THADA: variants seen among roughly 807,000 people sequenced by gnomAD.
The protein encoded by THADA is tRNA (32-2'-O)-methyltransferase regulator THADA.
Under a neutral mutation model 219.8 loss-of-function variants are expected in THADA, and 213 were observed. The ratio of observed to expected loss-of-function variants is 0.97; its 90% CI spans 0.87 to 1.09. The LOEUF is 1.09. Among genes scored for constraint, THADA ranks in the 50% least tolerant of loss-of-function variants. THADA has a pLI of 0.00. For missense variants in THADA, 2,956 were observed against 2,311.3 expected, an observed-to-expected ratio of 1.28 and a Z score of -5.72; for synonymous variants, 1,018 against 828.9, an observed-to-expected ratio of 1.23 and a Z score of -3.92.
rs1691444204 is a variant in THADA, at chr2:43,515,235, AATATATAATATATT to A, written c.3375-6469_3375-6456del. Among the ~76,000 whole-genome samples the A allele has an allele frequency of 3.1e-4, 6 of 19,150 alleles. 1 individual carries two copies. The highest frequency in any genetic ancestry group is 7.5e-4 in the African/African-American group (3 of 3,978). 12.6% of individuals were successfully genotyped at this position (19,150 alleles called of 152,430 possible). A position where few individuals can be genotyped will look rare whatever the true frequency, so the allele number is the denominator to read the frequency against. On this transcript the variant is annotated intron_variant, in intron 22 of 37. Coordinates refer to ENST00000405975, the MANE Select transcript of THADA (RefSeq NM_022065.5). ...ATATAATATATTATATATAATATAT[AATATATAATATATT>A]ATATATAATATATAATATATAATAT...
intron 26 of THADA, among the ~76,000 whole-genome samples, chr2:43,448,850 C>T (rs940658012): frequency 2.0e-5 from 3 of 151,964 alleles, no homozygotes; most frequent in African/African-American, 7.3e-5. Context: ...ACCTGATTTC[C>T]AGAGTTACTA....
At chr2:43,493,120 G>A (rs1292186684) in intron 25 of THADA, among the ~76,000 whole-genome samples, 1 of 152,122 alleles carries the variant, frequency 6.6e-6, no homozygotes, top group Non-Finnish European at 1.5e-5. Context: ...AGATCTAACA[G>A]GATCTTTTTC....
intron 3 of THADA, among the ~76,000 whole-genome samples, chr2:43,591,724 C>T (rs1469393765): frequency 6.6e-6 from 1 of 152,094 alleles, no homozygotes; most frequent in Non-Finnish European, 1.5e-5. Context: ...ACATTATCTT[C>T]TACCTTATCT....
intron 36 of THADA, among the ~76,000 whole-genome samples, chr2:43,240,239 C>T (rs765054269): frequency 2.6e-5 from 4 of 152,154 alleles, no homozygotes; most frequent in East Asian, 1.9e-4. Context: ...GGACTGGAGG[C>T]GAGGCCAGGC....
At chr2:43,315,995 C>T (rs1678034472) in intron 31 of THADA, among the ~76,000 whole-genome samples, 1 of 152,216 alleles carries the variant, frequency 6.6e-6, no homozygotes, top group African/African-American at 2.4e-5. Context: ...GCCTCCTCAG[C>T]CTCACCAGTC....
intron 17 of THADA, among the ~76,000 whole-genome samples, chr2:43,554,412 A>G (rs185372441): frequency 2.6e-4 from 39 of 152,314 alleles, no homozygotes; most frequent in African/African-American, 9.1e-4. Flanking sequence ...AGATTTGGTA[A>G]AAACAGTAAA....
At chr2:43,411,970 A>T (rs1676363721) in intron 28 of THADA, among the ~76,000 whole-genome samples, 1 of 152,196 alleles carries the variant, frequency 6.6e-6, no homozygotes, top group Non-Finnish European at 1.5e-5. Flanking sequence ...TACTGGTCAC[A>T]TCTTTCAAAG....
At chr2:43,335,048 A>G (rs950389667) in intron 30 of THADA, among the ~76,000 whole-genome samples, 33 of 152,300 alleles carry the variant, frequency 2.2e-4, no homozygotes, top group South Asian at 4.1e-4. Flanking sequence ...TTGGAAGATC[A>G]CAGAGCCTGG....
intron 26 of THADA, among the ~76,000 whole-genome samples, chr2:43,443,556 A>G (rs981945352): frequency 1.3e-5 from 2 of 152,204 alleles, no homozygotes; most frequent in Non-Finnish European, 2.9e-5. Context: ...ACGTTTATCT[A>G]TGTGATCAAA....
At chr2:43,323,354 A>G (rs936023646) in intron 30 of THADA, among the ~76,000 whole-genome samples, 1 of 152,096 alleles carries the variant, frequency 6.6e-6, no homozygotes, top group African/African-American at 2.4e-5. Flanking sequence ...TATATTGTCT[A>G]GCCTGGGGTT....
intron 30 of THADA, among the ~76,000 whole-genome samples, chr2:43,328,911 C>T (rs1679642299): frequency 6.6e-6 from 1 of 152,170 alleles, no homozygotes; most frequent in Non-Finnish European, 1.5e-5. Flanking sequence ...TCCAGAGAGC[C>T]CCCAGGGAGC....
chr2:43,399,136 C>G (rs562170069), intron 28 of THADA, among the ~76,000 whole-genome samples: 2 of 152,188 alleles, frequency 1.3e-5, no homozygotes, highest in Admixed American at 6.6e-5. Context: ...GTCCAATATG[C>G]TAAGTACCAG....
chr2:43,585,710 T>C (rs1244386744), intron 7 of THADA, among the ~76,000 whole-genome samples: 2 of 151,648 alleles, frequency 1.3e-5, no homozygotes, highest in African/African-American at 4.8e-5. Flanking sequence ...GTAAAGATGA[T>C]AAAAAACAAA....
intron 21 of THADA, among the ~76,000 whole-genome samples, chr2:43,532,149 T>C (rs1574110597): frequency 6.6e-6 from 1 of 152,102 alleles, no homozygotes; most frequent in South Asian, 2.1e-4. Context: ...CGGTGGCTCA[T>C]GCCTGTAATG....
chr2:43,525,422 T>C (rs1377080734), intron 22 of THADA, among the ~76,000 whole-genome samples: 1 of 152,174 alleles, frequency 6.6e-6, no homozygotes, highest in Non-Finnish European at 1.5e-5. Flanking sequence ...ACTAAAGCAA[T>C]GCAATGAGAC....
At chr2:43,579,476 T>G (rs1042262120) in intron 8 of THADA, among the ~76,000 whole-genome samples, 2 of 152,200 alleles carry the variant, frequency 1.3e-5, no homozygotes, top group African/African-American at 4.8e-5. Context: ...TTGTTCAACC[T>G]GGGGAAAGAA....
chr2:43,572,931 C>G lies in THADA; in HGVS notation c.1791G>C (p.Leu597Phe), dbSNP rs755095463. The change falls in exon 12 of 38, where the codon TTG becomes TTC. Residue 597 changes from leucine to phenylalanine, a missense_variant. Leu to Phe is a conservative substitution (Grantham distance 22, BLOSUM62 0). Coordinates refer to ENST00000405975, the MANE Select transcript of THADA (RefSeq NM_022065.5). ...SCNSRGALGA[L>F]MACLRIARAH... The stretch of plus-strand genomic sequence containing the variant: ...CTCTAGCTATTCGCAGACATGCCAT[C>G]AAAGCTCCCAGAGCCCCCCTGCTAT... 1 of 1,613,940 alleles carries G rather than the reference C, an allele frequency of 6.2e-7. No homozygotes were observed. The highest frequency in any genetic ancestry group is 8.5e-7 in the Non-Finnish European group (1 of 1,179,848).
chr2:43,320,312 C>A, intron 31 of THADA, 134 bp downstream of exon 31: 1 of 608,652 alleles, frequency 1.6e-6, no homozygotes, highest in Non-Finnish European at 2.9e-6. Flanking sequence ...CTATATGACA[C>A]TGTTTAATTT....
At chr2:43,291,439 A>G (rs1674690913) in intron 34 of THADA, among the ~76,000 whole-genome samples, 1 of 125,042 alleles carries the variant, frequency 8.0e-6, no homozygotes, top group Non-Finnish European at 1.7e-5. Context: ...GGGCAACAAG[A>G]GCAAAACTCC....
Sources: allele counts gnomAD v4.1 joint callset (sites outside exome capture counted in the v4.1 genomes callset), GRCh38; gene constraint gnomAD v4.1.1; transcripts MANE v1.5; gene names NCBI Gene and HGNC (gene_info 2026-07-23, HGNC 2026-07-21).